Variants in SCAMP2 observed in about 807,000 individuals in gnomAD.
SCAMP2 encodes the protein secretory carrier membrane protein 2.
Under a neutral mutation model 44.1 loss-of-function variants are expected in SCAMP2, and 25 were observed. The observed-to-expected ratio is 0.57, with a 90% confidence interval of 0.41 to 0.79. The LOEUF is 0.79. SCAMP2 is among the 30% of genes least tolerant of loss of function. The probability of loss-of-function intolerance (pLI) is 0.00; values close to 1 mark genes in which losing one functional copy is unlikely to be tolerated. For synonymous variants in SCAMP2, 156 were observed against 166.0 expected (o/e 0.94, Z 0.46); for missense variants, 355 against 411.0 (o/e 0.86, Z 1.18).
intron 1 of SCAMP2, among the ~76,000 whole-genome samples, chr15:74,870,664 G>A (rs746684059): frequency 1.3e-5 from 2 of 152,204 alleles, no homozygotes; most frequent in Non-Finnish European, 2.9e-5. Flanking sequence ...ATTAAGCTAC[G>A]AGAGGAATGT....
At chr15:74,858,383 A>G (rs748775631) in intron 1 of SCAMP2, among the ~76,000 whole-genome samples, 1 of 152,126 alleles carries the variant, frequency 6.6e-6, no homozygotes, top group Non-Finnish European at 1.5e-5. Context: ...GGTACTAGTT[A>G]TACTCCATAC....
intron 1 of SCAMP2, among the ~76,000 whole-genome samples, chr15:74,867,892 G>C (rs1039189186): frequency 2.0e-5 from 3 of 152,186 alleles, no homozygotes; most frequent in Admixed American, 1.3e-4. Context: ...TGTCTGCCTG[G>C]GATAATCTGG....
At chr15:74,868,046 G>C (rs2141182602) in intron 1 of SCAMP2, among the ~76,000 whole-genome samples, 2 of 152,288 alleles carry the variant, frequency 1.3e-5, no homozygotes, top group Admixed American at 1.3e-4. Flanking sequence ...AGAAACTTTT[G>C]GGAGCAGACA....
intron 6 of SCAMP2, among the ~76,000 whole-genome samples, 161 bp from the exon 7 acceptor site, chr15:74,848,862 A>ACCC (rs113089967): frequency 6.6e-5 from 10 of 151,696 alleles, no homozygotes; most frequent in African/African-American, 2.4e-4. Context: ...ACACGCACAC[A>ACCC]CCCCCCACCA....
At position 74,852,169 on chromosome 15, in the gene SCAMP2, G is replaced by A. The variant is rs747855883; in HGVS notation, c.243C>T (p.Ala81=). The A allele has an allele frequency of 6.4e-7, 1 of 1,553,358 alleles. No individual in the cohort carries two copies. The highest frequency in any genetic ancestry group is 8.7e-7 in the Non-Finnish European group (1 of 1,150,808). Residue 81 remains alanine, a synonymous_variant, in exon 4 of 9, where the codon GCC becomes GCT. Transcript: ENST00000268099. ...CCTGCTGCCGGAGCAGGCCTGCCTG[G>A]GCTGCAGACACCACGGCCTGGAGAG... ...QPTPQAVVSA[A]QAGLLRQQEE...
intron 7 of SCAMP2, among the ~76,000 whole-genome samples, chr15:74,846,588 C>A (rs1212576272): frequency 1.3e-5 from 2 of 152,088 alleles, no homozygotes; most frequent in Non-Finnish European, 2.9e-5. Flanking sequence ...ACAGTGAAAC[C>A]CCATCTCTAC....
At chr15:74,855,611 G>A (rs2064463748) in intron 1 of SCAMP2, among the ~76,000 whole-genome samples, 1 of 151,514 alleles carries the variant, frequency 6.6e-6, no homozygotes, top group South Asian at 2.1e-4. Context: ...AGCTACTCCG[G>A]AGACTGAGGC....
In SCAMP2 at chr15:74,847,084, T is replaced by TG. The variant is rs1294738784; in HGVS notation, c.735-1492_735-1491insC. Among the ~76,000 whole-genome samples, 332 of 107,404 alleles carry TG rather than the reference T, an allele frequency of 3.1e-3. 29 individuals are homozygous for TG. The highest frequency in any genetic ancestry group is 4.7e-3 in the Non-Finnish European group (223 of 47,322). 70.5% of individuals were successfully genotyped at this position (107,404 alleles called of 152,430 possible). On this transcript the variant is annotated intron_variant, in intron 7 of 8. Transcript: ENST00000268099. ...ATAAACCCATACACCTATTGTCAGT[T>TG]AATTTTTTTTTTTTTTTTTTTTTTT...
intron 1 of SCAMP2, among the ~76,000 whole-genome samples, chr15:74,855,250 G>A (rs1472507616): frequency 6.6e-6 from 1 of 151,680 alleles, no homozygotes; most frequent in Non-Finnish European, 1.5e-5. Flanking sequence ...ACTACAGGCG[G>A]CCGCCACCAT....
chr15:74,873,148 C>A (rs1316549680), intron 1 of SCAMP2, 51 bp downstream of exon 1: 5 of 1,385,672 alleles, frequency 3.6e-6, no homozygotes, highest in Non-Finnish European at 4.7e-6. Context: ...CGGGCGGCGG[C>A]CGTGGGCCCT....
chr15:74,863,347 A>G (rs2064521319), intron 1 of SCAMP2, among the ~76,000 whole-genome samples: 1 of 88,002 alleles, frequency 1.1e-5, no homozygotes, highest in Non-Finnish European at 2.2e-5. Context: ...ACTCCGTCTC[A>G]AAAAAAAAAA....
At chr15:74,873,134 G>T in intron 1 of SCAMP2, 65 bp downstream of exon 1, 1 of 1,328,424 alleles carries the variant, frequency 7.5e-7, no homozygotes, top group Non-Finnish European at 9.9e-7. Flanking sequence ...TCTAGCGAGA[G>T]GCCCGGGCGG....
In SCAMP2 at chr15:74,867,686, G is replaced by GC. The variant is rs1287557645; in HGVS notation, c.57+5512dup. On this transcript the variant is annotated intron_variant, in intron 1 of 8. Transcript: ENST00000268099. Reference sequence around the variant, plus strand: ...TTGTTCACACCCAAATCACGTTTCTGCCACCACTTCTTCCTTCCACAGGAG... The same window carrying GC: ...TTGTTCACACCCAAATCACGTTTCTGCCCACCACTTCTTCCTTCCACAGGAG... 3.3e-5 allele frequency among the ~76,000 whole-genome samples: 5 copies of GC among 152,324 alleles called. No individual in the cohort carries two copies. In the South Asian group the frequency reaches 6.2e-4, roughly 19 times the overall value.
At chr15:74,863,580 G>T (rs2064523187) in intron 1 of SCAMP2, among the ~76,000 whole-genome samples, 1 of 151,710 alleles carries the variant, frequency 6.6e-6, no homozygotes, top group South Asian at 2.1e-4. Flanking sequence ...GCTGCAATGT[G>T]TGGAACCCTT....
At chr15:74,850,070 C>G (rs1323885377) in intron 6 of SCAMP2, among the ~76,000 whole-genome samples, 3 of 152,186 alleles carry the variant, frequency 2.0e-5, no homozygotes, top group Non-Finnish European at 4.4e-5. Context: ...CAGCTATGTT[C>G]CCAGTATCTA....
In SCAMP2 at chr15:74,848,654, C is replaced by T; in HGVS notation, c.680G>A (p.Cys227Tyr). The T allele has an allele frequency of 1.2e-6, 2 of 1,613,602 alleles. No homozygotes were observed. The highest frequency in any genetic ancestry group is 1.7e-6 in the Non-Finnish European group (2 of 1,179,704). The change falls in exon 7 of 9, where the codon TGT (cysteine) becomes TAT (tyrosine). Residue 227 changes from cysteine to tyrosine, a missense_variant. Physicochemically the swap from Cys to Tyr is radical, Grantham distance 194. Coordinates refer to ENST00000268099, the MANE Select transcript of SCAMP2 (RefSeq NM_005697.5). ...CTGGATGATGTAGATCCCTATTTGA[C>T]AAAAAAATACAAAGAAGAACACAAA... ...SFFVFFFVFF[C>Y]QIGIYIIQLV...
chr15:74,855,773 G>A (rs1162641338), intron 1 of SCAMP2, among the ~76,000 whole-genome samples: 1 of 151,460 alleles, frequency 6.6e-6, no homozygotes, highest in Non-Finnish European at 1.5e-5. Flanking sequence ...ACATGCTGCT[G>A]GCTGCCAGTA....
At chr15:74,853,272 C>A in intron 3 of SCAMP2, 1 of 381,708 alleles carries the variant, frequency 2.6e-6, no homozygotes. Flanking sequence ...GCATGTAAGG[C>A]CTGCCTCACC....
At chr15:74,845,313 T>C in intron 8 of SCAMP2, 96 bp from the exon 9 acceptor site, 1 of 1,580,204 alleles carries the variant, frequency 6.3e-7, no homozygotes. Flanking sequence ...ACCAGAAGCC[T>C]GGCACTGCCT....
Sources: allele counts gnomAD v4.1 joint callset (sites outside exome capture counted in the v4.1 genomes callset), GRCh38; gene constraint gnomAD v4.1.1; transcripts MANE v1.5; gene names NCBI Gene and HGNC (gene_info 2026-07-23, HGNC 2026-07-21).